Variants in LRP2 observed in about 807,000 individuals in gnomAD.
LRP2 encodes low-density lipoprotein receptor-related protein 2.
A neutral mutation model predicts 531.0 loss-of-function variants in LRP2; 172 were observed. The ratio of observed to expected loss-of-function variants is 0.32; its 90% confidence interval spans 0.29 to 0.37. LRP2 has a LOEUF of 0.37. Among genes scored for constraint, LRP2 ranks in the 10% least tolerant of loss-of-function variants. The pLI is 1.00. For synonymous variants in LRP2, 1,992 were observed against 2,027.6 expected (o/e 0.98, Z 0.47); for missense variants, 5,167 against 5,868.3 (o/e 0.88, Z 3.90).
At chr2:169,207,349 C>G in intron 38 of LRP2, 99 bp from the exon 39 acceptor site, 2 of 836,570 alleles carry the variant, frequency 2.4e-6, no homozygotes, top group South Asian at 2.9e-5. Flanking sequence ...AGGTTGAAGT[C>G]TGGGTCACTA....
rs1685166979 is a variant in LRP2 at position 169,128,344 on chromosome 2, A to G, written c.*319T>C. 1 of 246,748 alleles carries G rather than the reference A, an allele frequency of 4.1e-6. No homozygotes were observed. The highest frequency in any genetic ancestry group is 8.0e-6 in the Non-Finnish European group (1 of 125,734). 15.3% of individuals were successfully genotyped at this position (246,748 alleles called of 1,614,324 possible). On this transcript the variant is annotated 3_prime_UTR_variant, in exon 79 of 79. Coordinates refer to ENST00000649046, the MANE Select transcript of LRP2 (RefSeq NM_004525.3). ...GGATCATTTACTATAATGATCACCAACCAAATCAGCAGACATCTTTATTAG... is the reference window on the plus strand; with the variant it reads ...GGATCATTTACTATAATGATCACCAGCCAAATCAGCAGACATCTTTATTAG...
At chr2:169,138,475 A>C in intron 75 of LRP2, 102 bp downstream of exon 75, 1 of 1,286,778 alleles carries the variant, frequency 7.8e-7, no homozygotes, top group Non-Finnish European at 1.1e-6. Flanking sequence ...TGAGAGGCCT[A>C]ATACTGTATT....
chr2:169,283,035 G>C (rs557524844), intron 9 of LRP2, 34 bp from the exon 10 acceptor site: 1 of 1,611,852 alleles, frequency 6.2e-7, no homozygotes, highest in Non-Finnish European at 8.5e-7. Context: ...TGTAGTCAAG[G>C]TTATCAGCAT....
In LRP2 at chr2:169,202,824, G is replaced by C. The variant is rs774369141; in HGVS notation, c.8141C>G (p.Ser2714Trp). The stretch of plus-strand genomic sequence containing the variant: ...GTCATTATCACACTTCCACTCTTCC[G>C]AGATGCAGCGCCCATTGGAGCAGGT... The part of the protein sequence containing the change: ...SFTCSNGRCI[S>W]EEWKCDNDND... Residue 2714 changes from serine to tryptophan, a missense_variant, in exon 43 of 79, where the codon TCG (serine) becomes TGG (tryptophan). Ser to Trp is a radical substitution (Grantham distance 177). Around this residue, in one of 6 missense-constraint regions of LRP2, gnomAD observed 1,129 missense variants for 1,362.7 expected, o/e 0.83. Coordinates refer to ENST00000649046, the MANE Select transcript of LRP2 (RefSeq NM_004525.3). 7 of 1,613,950 alleles carry C rather than the reference G, an allele frequency of 4.3e-6. No individual in the cohort carries two copies. The highest frequency in any genetic ancestry group is 5.9e-6 in the Non-Finnish European group (7 of 1,180,010).
At chr2:169,360,253 C>G (rs1686113884) in intron 1 of LRP2, among the ~76,000 whole-genome samples, 1 of 151,402 alleles carries the variant, frequency 6.6e-6, no homozygotes, top group South Asian at 2.1e-4. Flanking sequence ...TGAACTGAGA[C>G]AAATTACTGA....
At chr2:169,140,889 G>A (rs2268380) in intron 71 of LRP2, among the ~76,000 whole-genome samples, 92,540 of 152,090 alleles carry the variant, frequency 0.61, 30,979 homozygotes, top group South Asian at 0.79. Context: ...ATTCTCCTCC[G>A]TGAACCCAGT....
chr2:169,287,560 T>C (rs1167019097), intron 9 of LRP2, among the ~76,000 whole-genome samples: 1 of 152,098 alleles, frequency 6.6e-6, no homozygotes, highest in East Asian at 1.9e-4. Context: ...GCAGACTTTC[T>C]CAAGAATTTC....
chr2:169,168,539 A>G lies in LRP2; in HGVS notation c.11635T>C (p.Leu3879=), dbSNP rs1686874344. 1 of 1,614,014 alleles carries G rather than the reference A, an allele frequency of 6.2e-7. No homozygotes were observed. The part of the protein sequence containing the change: ...DGSDEELHLC[L]DVPCNSPNRF... ...TTCACTCCGTTTCTCTCCCTCTTAC[A>G]GCACAGGTGAAGTTCTTCATCTGAA... Residue 3879 remains leucine, a splice_region_variant and synonymous_variant, in exon 61 of 79, where the codon TTG becomes CTG. Coordinates refer to ENST00000649046, the MANE Select transcript of LRP2 (RefSeq NM_004525.3).
intron 1 of LRP2, among the ~76,000 whole-genome samples, chr2:169,354,339 G>A (rs1278280554): frequency 2.0e-5 from 3 of 152,292 alleles, no homozygotes; most frequent in African/African-American, 7.2e-5. Context: ...AAATTTAAAG[G>A]AGACCTTGGA....
chr2:169,190,356 T>C (rs2105308759), intron 48 of LRP2, among the ~76,000 whole-genome samples: 1 of 152,344 alleles, frequency 6.6e-6, no homozygotes, highest in Middle Eastern at 3.4e-3. Flanking sequence ...CTCAGCAATG[T>C]CCACTCATCA....
chr2:169,152,980 C>A lies in LRP2; in HGVS notation c.12296-16G>T. 1 of 1,613,048 alleles carries A rather than the reference C, an allele frequency of 6.2e-7. No homozygotes were observed. The highest frequency in any genetic ancestry group is 8.5e-7 in the Non-Finnish European group (1 of 1,179,688). ...TACACAACACCTACAGAGGAAGACA[C>A]ACAGGTCAGTTTCATGTCAAGAGCA... On this transcript the variant is annotated splice_polypyrimidine_tract_variant and intron_variant, in intron 66 of 78. Coordinates refer to ENST00000649046, the MANE Select transcript of LRP2 (RefSeq NM_004525.3).
At chr2:169,296,701 G>A (rs1452955238) in intron 4 of LRP2, among the ~76,000 whole-genome samples, 2 of 152,080 alleles carry the variant, frequency 1.3e-5, no homozygotes, top group Non-Finnish European at 2.9e-5. Flanking sequence ...TAAAGAATCT[G>A]GAATAAGTGT....
intron 16 of LRP2, among the ~76,000 whole-genome samples, chr2:169,268,754 G>C (rs148771995): frequency 0.037 from 5,586 of 152,242 alleles, 289 homozygotes; most frequent in Admixed American, 0.16. Flanking sequence ...TCTGGCCAGG[G>C]CAATTAGTCA....
intron 1 of LRP2, among the ~76,000 whole-genome samples, chr2:169,360,358 T>C (rs3845732): frequency 0.68 from 103,086 of 151,976 alleles, 37,462 homozygotes; most frequent in Non-Finnish European, 0.81. Context: ...AGTCAATAAG[T>C]ATAAAGTGCT....
intron 50 of LRP2, among the ~76,000 whole-genome samples, chr2:169,183,825 A>G (rs1464310565): frequency 1.3e-5 from 2 of 152,234 alleles, no homozygotes; most frequent in Non-Finnish European, 2.9e-5. Flanking sequence ...TAATGCTGAC[A>G]GCAGAAATAT....
intron 46 of LRP2, among the ~76,000 whole-genome samples, chr2:169,196,393 C>A (rs763462376): frequency 1.4e-4 from 22 of 152,134 alleles, no homozygotes; most frequent in Non-Finnish European, 2.4e-4. Context: ...AAATAGCAGC[C>A]TCCAAATGTA....
At chr2:169,183,538 AG>A (rs1687516655) in intron 50 of LRP2, among the ~76,000 whole-genome samples, 1 of 152,198 alleles carries the variant, frequency 6.6e-6, no homozygotes, top group Admixed American at 6.5e-5. Flanking sequence ...TTGTCGTATT[AG>A]TATTCCTGTT....
intron 46 of LRP2, among the ~76,000 whole-genome samples, chr2:169,195,549 G>T (rs1972588): frequency 0.025 from 3,826 of 152,110 alleles, 210 homozygotes; most frequent in East Asian, 0.23. Context: ...TTCATATATA[G>T]ATTATGTGCT....
At chr2:169,269,162 A>G (rs76668605) in intron 16 of LRP2, among the ~76,000 whole-genome samples, 125,548 of 151,892 alleles carry the variant, frequency 0.83, 52,961 homozygotes, top group East Asian at 0.97. Flanking sequence ...CAATATTGTG[A>G]AAATGGCCAT....
Sources: allele counts gnomAD v4.1 joint callset (sites outside exome capture counted in the v4.1 genomes callset), GRCh38; gene constraint gnomAD v4.1.1; regional missense constraint gnomAD v4.1.1; transcripts MANE v1.5; gene names NCBI Gene and HGNC (gene_info 2026-07-23, HGNC 2026-07-21).